JAK1: variants seen among roughly 807,000 people sequenced by gnomAD.
The protein encoded by JAK1 is tyrosine-protein kinase JAK1.
In JAK1, 16 loss-of-function variants were observed where a neutral mutation model predicts 136.6. The observed-to-expected ratio is 0.12, with a 90% CI of 0.08 to 0.18. The LOEUF (loss-of-function observed/expected upper bound fraction) is 0.18. Ranked by LOEUF, JAK1 falls within the 10% of genes least tolerant of loss-of-function variation. The probability of loss-of-function intolerance (pLI) is 1.00; values close to 1 mark genes in which losing one functional copy is unlikely to be tolerated. For synonymous variants in JAK1, 492 were observed against 519.5 expected (o/e 0.95, Z 0.72); for missense variants, 859 against 1,450.1 (o/e 0.59, Z 6.62).
chr1:64,984,757 AGGT>A lies in JAK1; in HGVS notation c.-78+59720_-78+59722del, dbSNP rs1353741297. 1.0e-6 allele frequency: 1 copy of A among 957,870 alleles called. No homozygotes were observed. Among genetic ancestry groups the A allele is most frequent in the Non-Finnish European group, 1.6e-6 (1 of 625,310 alleles). The allele number at this position is 957,870 out of a possible 1,614,324, so 59.3% of individuals were successfully genotyped here. ...TAACACATCTCAGGGACTTTGAAGA[AGGT>A]AAAGATCAAGAAGGTAATGAGGAAG... On this transcript the variant is annotated intron_variant, in intron 2 of 25. Coordinates refer to the JAK1 transcript ENST00000671954. This position sits in a 1 kb window ranked among gnomAD's most constrained non-coding sequence, Gnocchi z 4.1.
intron 2 of JAK1, among the ~76,000 whole-genome samples, chr1:64,998,756 T>G (rs113106050): frequency 0.039 from 5,911 of 152,246 alleles, 306 homozygotes; most frequent in East Asian, 0.26. Flanking sequence ...CTGCACAAGC[T>G]CTCTCTTTGC....
At chr1:64,905,042 G>A (rs1359336521) in intron 1 of JAK1, among the ~76,000 whole-genome samples, 2 of 152,196 alleles carry the variant, frequency 1.3e-5, no homozygotes, top group Non-Finnish European at 2.9e-5. Flanking sequence ...AGGGAACAGT[G>A]GAGGCCCCTT....
At chr1:64,865,219 A>C (rs1656623119) in intron 7 of JAK1, among the ~76,000 whole-genome samples, 1 of 152,200 alleles carries the variant, frequency 6.6e-6, no homozygotes, top group South Asian at 2.1e-4. Flanking sequence ...TAAACTATAT[A>C]ATACGCAATG....
chr1:64,855,084 G>A (rs937858186), intron 11 of JAK1, among the ~76,000 whole-genome samples: 3 of 152,210 alleles, frequency 2.0e-5, no homozygotes, highest in Non-Finnish European at 2.9e-5. Flanking sequence ...ATTAGGCTGG[G>A]AAACCCCCAG....
At chr1:65,023,687 G>T (rs556757150) in intron 2 of JAK1, among the ~76,000 whole-genome samples, 1 of 152,210 alleles carries the variant, frequency 6.6e-6, no homozygotes, top group African/African-American at 2.4e-5. Context: ...GTTTCACCAT[G>T]TTAGCCAGGA....
At chr1:65,046,295 T>C (rs1647182083) in intron 1 of JAK1, among the ~76,000 whole-genome samples, 1 of 152,146 alleles carries the variant, frequency 6.6e-6, no homozygotes, top group Non-Finnish European at 1.5e-5. Context: ...ATACCCCACC[T>C]GCAGGCCCGG....
chr1:64,992,161 C>T (rs1646662809), intron 2 of JAK1: 1 of 150,966 alleles, frequency 6.6e-6, no homozygotes, highest in African/African-American at 2.4e-5. Flanking sequence ...GGGCGTATCC[C>T]CTGAGGTCAG....
chr1:65,058,375 T>C (rs1386133499), intron 1 of JAK1: 1 of 533,860 alleles, frequency 1.9e-6, no homozygotes, highest in Non-Finnish European at 3.8e-6. Flanking sequence ...TTCACATTCC[T>C]CTTTCACCTT....
chr1:64,866,292 C>T (rs923469954), intron 7 of JAK1, among the ~76,000 whole-genome samples: 3 of 152,172 alleles, frequency 2.0e-5, no homozygotes, highest in African/African-American at 7.2e-5. Flanking sequence ...ATCTGAACCC[C>T]GTCGACGTGG....
intron 1 of JAK1, among the ~76,000 whole-genome samples, chr1:64,887,590 A>G (rs552300989): frequency 1.4e-4 from 22 of 152,334 alleles, no homozygotes; most frequent in Non-Finnish European, 2.8e-4. Context: ...CTTACAGTCA[A>G]TGGGAAGAAT....
At chr1:65,053,053 A>AAAAAAAAAAAAAAG (rs1553185113) in intron 1 of JAK1, among the ~76,000 whole-genome samples, 1 of 133,714 alleles carries the variant, frequency 7.5e-6, no homozygotes, top group African/African-American at 2.8e-5. Context: ...AAAAAAAAAA[A>AAAAAAAAAAAAAAG]AAAGACTAGA....
At chr1:64,841,838 T>C (rs963346055) in intron 17 of JAK1, among the ~76,000 whole-genome samples, 6 of 152,196 alleles carry the variant, frequency 3.9e-5, no homozygotes, top group Non-Finnish European at 7.3e-5. Context: ...AAAAGCTTCA[T>C]TCAAGTAAAG....
At chr1:64,968,154 G>T (rs1225734387), upstream of JAK1, among the ~76,000 whole-genome samples, 1 of 152,154 alleles carries the variant, frequency 6.6e-6, no homozygotes, top group African/African-American at 2.4e-5. Context: ...AAAAAGGAAA[G>T]TCAGGAAGGC....
intron 17 of JAK1, among the ~76,000 whole-genome samples, chr1:64,842,776 C>A (rs1432127393): frequency 6.6e-6 from 1 of 152,142 alleles, no homozygotes; most frequent in East Asian, 1.9e-4. Flanking sequence ...TATGAATTTC[C>A]CAAAAGCCTA....
intron 12 of JAK1, among the ~76,000 whole-genome samples, chr1:64,850,581 C>G (rs1655522236): frequency 6.6e-6 from 1 of 152,252 alleles, no homozygotes; most frequent in African/African-American, 2.4e-5. Context: ...CCCACAAAGC[C>G]TGACCAAACC....
intron 2 of JAK1, among the ~76,000 whole-genome samples, chr1:64,976,399 G>A (rs145112606): frequency 2.4e-4 from 36 of 152,268 alleles, no homozygotes; most frequent in East Asian, 9.7e-4. Flanking sequence ...ACTATTAACC[G>A]TCTTTGCAAT....
chr1:64,876,787 C>T (rs941860463), intron 4 of JAK1, among the ~76,000 whole-genome samples: 2 of 151,712 alleles, frequency 1.3e-5, no homozygotes, highest in East Asian at 1.9e-4. Context: ...TTCAAAATGA[C>T]GTGGAGGAAC....
intron 1 of JAK1, among the ~76,000 whole-genome samples, chr1:64,933,068 A>G (rs1259238705): frequency 1.3e-5 from 2 of 152,320 alleles, no homozygotes; most frequent in East Asian, 3.9e-4. Flanking sequence ...ATATAATTAA[A>G]CACTACACCA....
intron 1 of JAK1, among the ~76,000 whole-genome samples, chr1:64,891,690 A>G (rs1644938947): frequency 6.6e-6 from 1 of 152,252 alleles, no homozygotes. Context: ...GAGACGTGGA[A>G]TAACAGTTCT....
Sources: gnomAD v4.1 joint callset for allele counts (sites outside exome capture counted in the v4.1 genomes callset) on GRCh38, gnomAD v4.1.1 for gene constraint, Gnocchi (gnomAD v3.1) non-coding constraint, MANE v1.5 for transcripts, NCBI Gene and HGNC (gene_info 2026-07-23, HGNC 2026-07-21) for gene names.